SLC25A16: variants seen among roughly 807,000 people sequenced by gnomAD.
The protein encoded by SLC25A16 is mitochondrial coenzyme A transporter SLC25A16.
SLC25A16 carries 39 observed loss-of-function variants against 41.5 expected under a neutral mutation model. The ratio of observed to expected loss-of-function variants is 0.94; its 90% CI spans 0.73 to 1.23. The LOEUF (loss-of-function observed/expected upper bound fraction) is 1.23. Among genes scored for constraint, SLC25A16 ranks in the 50% most tolerant of loss-of-function variants. The pLI, the probability that SLC25A16 is intolerant of heterozygous loss-of-function variation, is 0.00. For missense variants in SLC25A16, 421 were observed against 426.9 expected (o/e 0.99, Z 0.12); for synonymous variants, 146 against 147.8 (o/e 0.99, Z 0.09).
intron 6 of SLC25A16, 149 bp from the exon 7 acceptor site, chr10:68,488,778 G>A: frequency 1.5e-6 from 1 of 682,044 alleles, no homozygotes; most frequent in Non-Finnish European, 2.4e-6. Context: ...ATAACCTAAA[G>A]ATGACAAAAT....
intron 1 of SLC25A16, 94 bp downstream of exon 1, chr10:68,527,152 C>A: frequency 2.3e-6 from 3 of 1,325,542 alleles, no homozygotes; most frequent in Non-Finnish European, 3.1e-6. Flanking sequence ...CAGCCAGAGT[C>A]CAGGAATGTC....
At chr10:68,503,580 T>C in intron 4 of SLC25A16, 52 bp downstream of exon 4, 2 of 1,199,476 alleles carry the variant, frequency 1.7e-6, no homozygotes, top group Admixed American at 4.0e-5. Flanking sequence ...AAATTAAATA[T>C]TTTAATAGAA....
At chr10:68,489,057 G>T (rs1317201247) in intron 6 of SLC25A16, among the ~76,000 whole-genome samples, 1 of 152,054 alleles carries the variant, frequency 6.6e-6, no homozygotes, top group Non-Finnish European at 1.5e-5. Flanking sequence ...ATTACCTGAG[G>T]TCAGGCGTTC....
rs192192274 is a variant in SLC25A16, at chr10:68,519,894, G to A, written c.131-3051C>T. ...CATGTCACTGCACTCCAGCCTGGGC[G>A]ACAAGAACGAAACTCCGTCTCAAAA... On this transcript the variant is annotated intron_variant, in intron 1 of 8. Coordinates refer to ENST00000609923, the MANE Select transcript of SLC25A16 (RefSeq NM_152707.4). Among the ~76,000 whole-genome samples the A allele has an allele frequency of 2.1e-3, 317 of 150,970 alleles. 3 individuals carry two copies. Among genetic ancestry groups the A allele is most frequent in the South Asian group, 3.1e-3 (15 of 4,764 alleles).
chr10:68,527,274 G>C lies in SLC25A16; in HGVS notation c.102C>G (p.Phe34Leu). ...GAGGPTTRRD[F>L]YWLRSFLAGG... ...CGGCCAGAAAGGAGCGCAGCCAGTA[G>C]AAGTCTCTGCGGGTTGTGGGCCCTC... The change falls in exon 1 of 9, where the codon TTC (phenylalanine) becomes TTG (leucine). Residue 34 changes from phenylalanine to leucine, a missense_variant. Phe to Leu is a conservative substitution (Grantham distance 22). Coordinates refer to ENST00000609923, the MANE Select transcript of SLC25A16 (RefSeq NM_152707.4). 1 of 1,548,446 alleles carries C rather than the reference G, an allele frequency of 6.5e-7. No individual in the cohort carries two copies. Among genetic ancestry groups the C allele is most frequent in the Non-Finnish European group, 8.7e-7 (1 of 1,145,894 alleles).
At position 68,483,487 on chromosome 10, in the gene SLC25A16, TGA is replaced by T. The variant is rs2052510907; in HGVS notation, c.942_943del (p.Gln315SerfsTer35). ...TTCGTATGTTGTAAAAGCCACTGCT[TGA>T]GAGGGAATACAGCGAATGTAATTAA... On this transcript the variant is annotated frameshift_variant, in exon 9 of 9. Transcript: ENST00000609923. LOFTEE classifies it high-confidence loss of function. 1 of 1,612,272 alleles carries T rather than the reference TGA, an allele frequency of 6.2e-7. No homozygotes were observed. Among genetic ancestry groups the T allele is most frequent in the East Asian group, 2.2e-5 (1 of 44,864 alleles).
At chr10:68,509,106 G>A (rs549741734) in intron 2 of SLC25A16, among the ~76,000 whole-genome samples, 2 of 152,240 alleles carry the variant, frequency 1.3e-5, no homozygotes, top group East Asian at 3.9e-4. Flanking sequence ...GGGAGGCAGA[G>A]GCAGCGGATC....
At position 68,498,084 on chromosome 10, in the gene SLC25A16, C is replaced by T. The variant is rs116807009; in HGVS notation, c.422-4514G>A. On this transcript the variant is annotated intron_variant, in intron 4 of 8. Transcript: ENST00000609923. Reference sequence around the variant, plus strand: ...TCACAGATCTCTGATACCTGTACAACGTAAGTAAAAAAGCCAAAGGACTTA... The same window carrying T: ...TCACAGATCTCTGATACCTGTACAATGTAAGTAAAAAAGCCAAAGGACTTA... Among the ~76,000 whole-genome samples, 718 of 152,122 alleles carry T rather than the reference C, an allele frequency of 4.7e-3. 6 individuals are homozygous for T. Among genetic ancestry groups the T allele is most frequent in the African/African-American group, 0.017 (685 of 41,510 alleles).
chr10:68,506,555 G>T, intron 3 of SLC25A16, 30 bp downstream of exon 3: 1 of 1,501,800 alleles, frequency 6.7e-7, no homozygotes, highest in Non-Finnish European at 9.0e-7. Context: ...ATTCAAGAAC[G>T]CAAAAGAGAA....
intron 1 of SLC25A16, among the ~76,000 whole-genome samples, chr10:68,521,551 G>A (rs1289653632): frequency 3.4e-5 from 5 of 146,588 alleles, no homozygotes; most frequent in Non-Finnish European, 6.0e-5. Flanking sequence ...TAAACACAAC[G>A]AGGACTGGTG....
At chr10:68,506,486 A>G (rs2052956696) in intron 3 of SLC25A16, 99 bp downstream of exon 3, 1 of 818,556 alleles carries the variant, frequency 1.2e-6, no homozygotes, top group Non-Finnish European at 1.7e-6. Context: ...TTTTAAAAAT[A>G]TGAAACTTTT....
At chr10:68,507,897 T>C (rs1033274509) in intron 2 of SLC25A16, among the ~76,000 whole-genome samples, 3 of 152,198 alleles carry the variant, frequency 2.0e-5, no homozygotes, top group African/African-American at 7.2e-5. Context: ...CCAAAAGATA[T>C]ATCCCAAAAG....
At chr10:68,526,886 G>A (rs566050776) in intron 1 of SLC25A16, among the ~76,000 whole-genome samples, 18 of 152,222 alleles carry the variant, frequency 1.2e-4, no homozygotes, top group Admixed American at 6.5e-5. Flanking sequence ...AGTCTACACT[G>A]GGTCACTCAC....
rs1342873372 is a variant in SLC25A16, at chr10:68,479,960, G to A, written c.*3472C>T. 3.3e-5 allele frequency: 5 copies of A among 151,302 alleles called. No homozygotes were observed. Among genetic ancestry groups the A allele is most frequent in the Admixed American group, 1.3e-4 (2 of 15,140 alleles). 9.4% of individuals were successfully genotyped at this position (151,302 alleles called of 1,614,324 possible). A position where few individuals can be genotyped will look rare whatever the true frequency, so the allele number is the denominator to read the frequency against. On this transcript the variant is annotated 3_prime_UTR_variant, in exon 9 of 9. Coordinates refer to ENST00000609923, the MANE Select transcript of SLC25A16 (RefSeq NM_152707.4). ...CCGGAGGTGGAGATTGCAGTGAGCC[G>A]AGATTGCACCACTGCACTCCAGCTT...
chr10:68,489,485 G>A (rs2052621165), intron 6 of SLC25A16, among the ~76,000 whole-genome samples: 1 of 152,070 alleles, frequency 6.6e-6, no homozygotes, highest in Admixed American at 6.6e-5. Context: ...AACATTACAT[G>A]ATACTAGAAC....
chr10:68,501,358 G>T (rs1178798275), intron 4 of SLC25A16, among the ~76,000 whole-genome samples: 2 of 152,042 alleles, frequency 1.3e-5, no homozygotes. Flanking sequence ...TCATAATATT[G>T]TCCTGTGGAC....
intron 1 of SLC25A16, chr10:68,517,058 T>C: frequency 8.1e-7 from 1 of 1,239,848 alleles, no homozygotes; most frequent in Non-Finnish European, 1.0e-6. Flanking sequence ...AAACAAATTT[T>C]AGTAGTGTAA....
rs2052496732 is a variant in SLC25A16, at chr10:68,482,602, A to C, written c.*830T>G. On this transcript the variant is annotated 3_prime_UTR_variant, in exon 9 of 9. Coordinates refer to ENST00000609923, the MANE Select transcript of SLC25A16 (RefSeq NM_152707.4). The stretch of plus-strand genomic sequence containing the variant: ...AGTGTTACTTTTTTTTTAAGAGCAA[A>C]GATATTCAGTATTTTTATTTCTGCC... 1 of 152,376 alleles carries C rather than the reference A, an allele frequency of 6.6e-6. No homozygotes were observed. Among genetic ancestry groups the C allele is most frequent in the Non-Finnish European group, 1.5e-5 (1 of 68,036 alleles). The allele number at this position is 152,376 out of a possible 1,614,324, so 9.4% of individuals were successfully genotyped here.
chr10:68,488,676 G>A lies in SLC25A16; in HGVS notation c.611-47C>T, dbSNP rs114810484. ...CACCATGATGCTTAACATAACATGA[G>A]CTGTGAAAAAGACACCATTCTTAAA... On this transcript the variant is annotated intron_variant, in intron 6 of 8. Transcript: ENST00000609923. 7.4e-4 allele frequency: 1,082 copies of A among 1,471,680 alleles called. 13 individuals are homozygous for A. In the African/African-American group the frequency reaches 0.014, roughly 19 times the overall value. The allele number at this position is 1,471,680 out of a possible 1,614,324, so 91.2% of individuals were successfully genotyped here.
Sources: gnomAD v4.1 joint callset for allele counts (sites outside exome capture counted in the v4.1 genomes callset) on GRCh38, gnomAD v4.1.1 for gene constraint, MANE v1.5 for transcripts, NCBI Gene and HGNC (gene_info 2026-07-23, HGNC 2026-07-21) for gene names.